GHRL: variants seen among roughly 807,000 people sequenced by gnomAD.
GHRL encodes appetite-regulating hormone.
A neutral mutation model predicts 16.9 loss-of-function variants in GHRL; 24 were observed. The observed-to-expected ratio is 1.42, with a 90% CI of 1.03 to 2.00. The LOEUF is 2.00. GHRL is among the 30% of genes most tolerant of loss of function. The pLI is 0.00. For synonymous variants in GHRL, 63 were observed against 58.2 expected (o/e 1.08, Z -0.37); for missense variants, 193 against 142.1 (o/e 1.36, Z -1.82).
chr3:10,291,793 C>A (rs952055152), intron 1 of GHRL, among the ~76,000 whole-genome samples: 5 of 152,152 alleles, frequency 3.3e-5, no homozygotes, highest in African/African-American at 1.2e-4. Flanking sequence ...GAGAGGAGCT[C>A]ACCTTAGGCT....
chr3:10,288,384 A>G (rs765010827), intron 4 of GHRL, among the ~76,000 whole-genome samples: 20 of 152,156 alleles, frequency 1.3e-4, no homozygotes, highest in Non-Finnish European at 2.1e-4. Context: ...TTCTGGTTCC[A>G]GCCAAGGCAG....
In GHRL at chr3:10,289,833, C is replaced by G; in HGVS notation, c.154G>C (p.Ala52Pro). Residue 52 changes from alanine (A) to proline (P), a missense_variant, in exon 4 of 6, where the codon GCT becomes CCT. Transcript: ENST00000335542. ...KKPPAKLQPR[A>P]LAGWLRPEDG... ...TCCGGGCGGAGCCAGCCTGCTAGAG[C>G]TCGGGGCTGCAGCTTGGCTGGTGGC... 6.2e-7 allele frequency: 1 copy of G among 1,613,938 alleles called. No homozygotes were observed. The highest frequency in any genetic ancestry group is 8.5e-7 in the Non-Finnish European group (1 of 1,179,956).
chr3:10,290,098 A>G lies in GHRL; in HGVS notation c.83T>C (p.Leu28Pro), dbSNP rs763897355. 4 of 1,612,788 alleles carry G rather than the reference A, an allele frequency of 2.5e-6. No homozygotes were observed. The highest frequency in any genetic ancestry group is 1.1e-5 in the South Asian group (1 of 90,792). ...CTGGACTCTCTGGTGTTCAGGGCTC[A>G]GGAAGCTGGAGCCTGCCATGGCCAA... ...LDLAMAGSSF[L>P]SPEHQRVQQR... Residue 28 changes from leucine (L) to proline (P), a missense_variant, in exon 3 of 6, where the codon CTG (leucine) becomes CCG (proline). By Grantham distance (98) the Leu-to-Pro change is moderately conservative. Coordinates refer to ENST00000335542, the MANE Select transcript of GHRL (RefSeq NM_016362.5).
chr3:10,289,869 C>G lies in GHRL; in HGVS notation c.118G>C (p.Glu40Gln). Reference sequence around the variant, plus strand: ...AGCTTGGCTGGTGGCTTCTTCGACTCCTTTCTCTGCTGGAAGGGGGAAACA... The same window carrying G: ...AGCTTGGCTGGTGGCTTCTTCGACTGCTTTCTCTGCTGGAAGGGGGAAACA... ...PEHQRVQQRK[E>Q]SKKPPAKLQP... Residue 40 changes from glutamate (E) to glutamine (Q), a missense_variant, in exon 4 of 6, where the codon GAG (glutamate) becomes CAG (glutamine). Physicochemically the swap from Glu to Gln is conservative, Grantham distance 29 (BLOSUM62 2). Coordinates refer to ENST00000335542, the MANE Select transcript of GHRL (RefSeq NM_016362.5). 6.2e-7 allele frequency: 1 copy of G among 1,612,032 alleles called. No homozygotes were observed. Among genetic ancestry groups the G allele is most frequent in the Non-Finnish European group, 8.5e-7 (1 of 1,178,506 alleles).
chr3:10,286,419 T>C (rs899616118), intron 5 of GHRL, among the ~76,000 whole-genome samples: 1 of 152,174 alleles, frequency 6.6e-6, no homozygotes, highest in South Asian at 2.1e-4. Context: ...TCACAATAGG[T>C]AAAATAGCTC....
chr3:10,287,861 C>T (rs1399101162), intron 4 of GHRL: 5 of 153,288 alleles, frequency 3.3e-5, no homozygotes, highest in African/African-American at 1.2e-4. Flanking sequence ...TCGAAATCTC[C>T]CTCCCCTTAA....
At chr3:10,290,277 G>GGCT (rs1699787775) in intron 2 of GHRL, 68 bp from the exon 3 acceptor site, 6 of 1,475,156 alleles carry the variant, frequency 4.1e-6, no homozygotes, top group Non-Finnish European at 5.5e-6. Flanking sequence ...GCTCAGGTAG[G>GGCT]AGCCCAGCAG....
chr3:10,289,838 G>C lies in GHRL; in HGVS notation c.149C>G (p.Pro50Arg), dbSNP rs774815172. ...GCGGAGCCAGCCTGCTAGAGCTCGG[G>C]GCTGCAGCTTGGCTGGTGGCTTCTT... is the stretch of plus-strand genomic sequence containing the variant. ...ESKKPPAKLQ[P>R]RALAGWLRPE... Residue 50 changes from proline (P) to arginine (R), a missense_variant, in exon 4 of 6, where the codon CCC becomes CGC. Pro to Arg is a moderately radical substitution (Grantham distance 103). Coordinates refer to ENST00000335542, the MANE Select transcript of GHRL (RefSeq NM_016362.5). 4 of 1,613,684 alleles carry C rather than the reference G, an allele frequency of 2.5e-6. No homozygotes were observed. The South Asian group carries it at 4.4e-5, about 18-fold the overall frequency.
chr3:10,289,983 C>T (rs1699720702), intron 3 of GHRL, 90 bp downstream of exon 3: 4 of 1,536,686 alleles, frequency 2.6e-6, no homozygotes, highest in Non-Finnish European at 3.6e-6. Context: ...AGACTGAAGC[C>T]CAGAGATGGC....
chr3:10,289,905 G>T, intron 3 of GHRL, 27 bp from the exon 4 acceptor site: 2 of 1,560,232 alleles, frequency 1.3e-6, no homozygotes, highest in Non-Finnish European at 1.8e-6. Context: ...GTCTGTTTAG[G>T]ACTCTAAGCC....
chr3:10,289,412 C>T (rs945060251), intron 4 of GHRL, among the ~76,000 whole-genome samples: 3 of 152,208 alleles, frequency 2.0e-5, no homozygotes, highest in Non-Finnish European at 4.4e-5. Context: ...TTCTGCAGAG[C>T]AACATCTTCA....
rs1397722735 is a variant in GHRL, at chr3:10,291,220, T to C, written c.-534A>G. On this transcript the variant is annotated 5_prime_UTR_variant, in exon 2 of 6. Transcript: ENST00000335542. Reference sequence around the variant, plus strand: ...GGAGCCAGGCTGGTGATTCTACACCTTCCCGAGGAGGAGTCCCACCTCCCG... The same window carrying C: ...GGAGCCAGGCTGGTGATTCTACACCCTCCCGAGGAGGAGTCCCACCTCCCG... 8 of 985,442 alleles carry C rather than the reference T, an allele frequency of 8.1e-6. No individual in the cohort carries two copies. In the East Asian group the frequency reaches 5.7e-4, roughly 70 times the overall value. 61.0% of individuals were successfully genotyped at this position (985,442 alleles called of 1,614,324 possible).
chr3:10,290,232 G>A, intron 2 of GHRL, 23 bp from the exon 3 acceptor site: 1 of 1,572,814 alleles, frequency 6.4e-7, no homozygotes, highest in Non-Finnish European at 8.6e-7. Flanking sequence ...GGGTCTCCAG[G>A]CAGCTGCCTC....
At chr3:10,287,031 G>T in intron 4 of GHRL, 1 of 468,100 alleles carries the variant, frequency 2.1e-6, no homozygotes, top group Non-Finnish European at 3.9e-6. Flanking sequence ...CACTTACCTT[G>T]CACTCTCATG....
intron 4 of GHRL, among the ~76,000 whole-genome samples, chr3:10,289,361 C>T: frequency 6.6e-6 from 1 of 152,208 alleles, no homozygotes; most frequent in East Asian, 1.9e-4. Flanking sequence ...GCACTCCACC[C>T]CACAGTCCAG....
intron 4 of GHRL, among the ~76,000 whole-genome samples, chr3:10,289,494 CT>C (rs1699612618): frequency 6.6e-6 from 1 of 152,226 alleles, no homozygotes; most frequent in Admixed American, 6.5e-5. Context: ...TTTGAGTCGC[CT>C]GGAGGCTCTG....
chr3:10,290,080 C>G lies in GHRL; in HGVS notation c.101G>C (p.Arg34Thr). 1.2e-6 allele frequency: 2 copies of G among 1,612,150 alleles called. No homozygotes were observed. Among genetic ancestry groups the G allele is most frequent in the Non-Finnish European group, 1.7e-6 (2 of 1,179,442 alleles). Residue 34 changes from arginine to threonine, a missense_variant, in exon 3 of 6, where the codon AGA becomes ACA. Coordinates refer to ENST00000335542, the MANE Select transcript of GHRL (RefSeq NM_016362.5). ...TTTGTGGGGAGGTCTCACCTGGACTCTCTGGTGTTCAGGGCTCAGGAAGCT... is the reference window on the plus strand; with the variant it reads ...TTTGTGGGGAGGTCTCACCTGGACTGTCTGGTGTTCAGGGCTCAGGAAGCT... ...GSSFLSPEHQ[R>T]VQQRKESKKP...
chr3:10,291,859 T>C (rs1700065136), intron 1 of GHRL, among the ~76,000 whole-genome samples: 1 of 151,902 alleles, frequency 6.6e-6, no homozygotes, highest in South Asian at 2.1e-4. Context: ...TGTGGTGAAC[T>C]CGGGGCAGGG....
intron 4 of GHRL, among the ~76,000 whole-genome samples, chr3:10,289,028 C>T (rs1049072594): frequency 5.9e-5 from 9 of 152,142 alleles, no homozygotes; most frequent in East Asian, 3.8e-4. Context: ...TTGGTATCCT[C>T]GGGCACAGCG....
Sources: gnomAD v4.1 joint callset for allele counts (sites outside exome capture counted in the v4.1 genomes callset) on GRCh38, gnomAD v4.1.1 for gene constraint, MANE v1.5 for transcripts, NCBI Gene and HGNC (gene_info 2026-07-23, HGNC 2026-07-21) for gene names.